ENTPD1: variants seen among roughly 807,000 people sequenced by gnomAD.
The protein encoded by ENTPD1 is ectonucleoside triphosphate diphosphohydrolase 1, also known as ATP diphosphohydrolase.
A neutral mutation model predicts 57.0 loss-of-function variants in ENTPD1; 33 were observed. The observed-to-expected ratio is 0.58, with a 90% CI of 0.44 to 0.77. The LOEUF (loss-of-function observed/expected upper bound fraction) is 0.77. ENTPD1 is among the 30% of genes least tolerant of loss of function. The pLI is 0.00. For synonymous variants in ENTPD1, 202 were observed against 218.8 expected (o/e 0.92, Z 0.68); for missense variants, 501 against 603.4 (o/e 0.83, Z 1.78).
intron 1 of ENTPD1, among the ~76,000 whole-genome samples, chr10:95,742,006 A>G (rs1182800680): frequency 1.3e-5 from 2 of 152,148 alleles, no homozygotes; most frequent in Non-Finnish European, 2.9e-5. Context: ...TAACAGCAAC[A>G]TAGGAGCTTC....
In ENTPD1 at chr10:95,842,387, C is replaced by A. The variant is rs2140830676; in HGVS notation, c.306C>A (p.Gly102=). Residue 102 remains glycine (G), a synonymous_variant, in exon 4 of 10, where the codon GGC becomes GGA. Transcript: ENST00000371205. The part of the protein sequence containing the change: ...SKFVQKVNEI[G]IYLTDCMERA... Reference sequence around the variant, plus strand: ...TTGTTCAGAAAGTAAATGAAATAGGCATTTACCTGACTGATTGCATGGAAA... The same window carrying A: ...TTGTTCAGAAAGTAAATGAAATAGGAATTTACCTGACTGATTGCATGGAAA... 6.2e-7 allele frequency: 1 copy of A among 1,613,916 alleles called. No individual in the cohort carries two copies. The highest frequency in any genetic ancestry group is 2.2e-5 in the East Asian group (1 of 44,874).
chr10:95,751,009 C>T (rs1026689476), upstream of ENTPD1, among the ~76,000 whole-genome samples: 2 of 151,878 alleles, frequency 1.3e-5, no homozygotes, highest in Admixed American at 6.6e-5. Flanking sequence ...GGTGACAGAG[C>T]GAGACTCCAT....
At chr10:95,789,500 A>C (rs1253956441) in intron 1 of ENTPD1, among the ~76,000 whole-genome samples, 1 of 152,184 alleles carries the variant, frequency 6.6e-6, no homozygotes, top group Non-Finnish European at 1.5e-5. Flanking sequence ...AAATTCATAG[A>C]AACAGTGTAC....
At chr10:95,815,864 C>A (rs1198598242) in intron 1 of ENTPD1, among the ~76,000 whole-genome samples, 3 of 152,174 alleles carry the variant, frequency 2.0e-5, no homozygotes, top group African/African-American at 7.2e-5. Context: ...TCCAAGTGGG[C>A]AACTTGGAGA....
At position 95,869,034 on chromosome 10, in the gene ENTPD1, G is replaced by A. The variant is rs2098477419; in HGVS notation, c.*2651G>A. 1 of 985,300 alleles carries A rather than the reference G, an allele frequency of 1.0e-6. No individual in the cohort carries two copies. The highest frequency in any genetic ancestry group is 1.2e-6 in the Non-Finnish European group (1 of 829,916). 61.0% of individuals were successfully genotyped at this position (985,300 alleles called of 1,614,324 possible). A position where few individuals can be genotyped will look rare whatever the true frequency, so the allele number is the denominator to read the frequency against. On this transcript the variant is annotated 3_prime_UTR_variant, in exon 10 of 10. Coordinates refer to ENST00000371205, the MANE Select transcript of ENTPD1 (RefSeq NM_001776.6). ...ACTCTGGGTGGGGTAGGTGAAATAA[G>A]ATTGGTCACTGTTAACTAATTTTAA... is the stretch of plus-strand genomic sequence containing the variant.
chr10:95,864,745 G>GT lies in ENTPD1; in HGVS notation c.1211dup (p.Glu406GlyfsTer6), dbSNP rs2098471168. Reference sequence around the variant, plus strand: ...CTAGATAAAAACATCTTACGCTGGAGTAAAGGAGAAGTACCTGAGTGAATA... The same window carrying GT: ...CTAGATAAAAACATCTTACGCTGGAGTTAAAGGAGAAGTACCTGAGTGAATA... On this transcript the variant is annotated frameshift_variant, in exon 9 of 10. Transcript: ENST00000371205. LOFTEE classifies it high-confidence loss of function. The GT allele has an allele frequency of 1.2e-6, 2 of 1,614,028 alleles. No individual in the cohort carries two copies. Among genetic ancestry groups the GT allele is most frequent in the Non-Finnish European group, 8.5e-7 (1 of 1,180,036 alleles).
chr10:95,812,867 C>A (rs2098313650), intron 1 of ENTPD1, among the ~76,000 whole-genome samples: 1 of 151,992 alleles, frequency 6.6e-6, no homozygotes, highest in Non-Finnish European at 1.5e-5. Flanking sequence ...ATTTACATTT[C>A]TTTAATTAAG....
chr10:95,853,828 G>T (rs1480151964), intron 7 of ENTPD1, among the ~76,000 whole-genome samples: 6 of 152,264 alleles, frequency 3.9e-5, no homozygotes, highest in African/African-American at 1.2e-4. Context: ...GCTGGATTCG[G>T]TTTGCCAGTA....
At chr10:95,708,036 A>G (rs898781875), upstream of ENTPD1, among the ~76,000 whole-genome samples, 3 of 152,226 alleles carry the variant, frequency 2.0e-5, no homozygotes, top group South Asian at 2.1e-4. Flanking sequence ...ATTGTCAACA[A>G]TGAAAAAGTT....
In ENTPD1 at chr10:95,867,787, A is replaced by C; in HGVS notation, c.*1404A>C. On this transcript the variant is annotated 3_prime_UTR_variant, in exon 10 of 10. Coordinates refer to ENST00000371205, the MANE Select transcript of ENTPD1 (RefSeq NM_001776.6). ...CTCTAGATCTGGGGACTGACTGTTG[A>C]GCTGATGGGGAAAGAAAAGCTCTCA... The C allele has an allele frequency of 1.0e-6, 1 of 985,394 alleles. No individual in the cohort carries two copies. Among genetic ancestry groups the C allele is most frequent in the Non-Finnish European group, 1.2e-6 (1 of 829,918 alleles). The allele number at this position is 985,394 out of a possible 1,614,324, so 61.0% of individuals were successfully genotyped here. A position where few individuals can be genotyped will look rare whatever the true frequency, so the allele number is the denominator to read the frequency against.
chr10:95,776,523 G>C (rs1302004462), intron 1 of ENTPD1, among the ~76,000 whole-genome samples: 1 of 152,156 alleles, frequency 6.6e-6, no homozygotes, highest in Non-Finnish European at 1.5e-5. Flanking sequence ...GAGTCTGATG[G>C]GCTTCCCTTT....
chr10:95,843,284 T>A (rs2140840065), intron 4 of ENTPD1: 1 of 152,390 alleles, frequency 6.6e-6, no homozygotes, highest in Admixed American at 6.5e-5. Flanking sequence ...GAGCTTGTGT[T>A]CTACCGGATG....
At chr10:95,742,534 CTTTTTTCTTTTTT>C (rs1199691597) in intron 1 of ENTPD1, among the ~76,000 whole-genome samples, 2 of 98,660 alleles carry the variant, frequency 2.0e-5, no homozygotes, top group African/African-American at 7.4e-5. Flanking sequence ...TCTTCTTTTT[CTTTTTTCTTTTTT>C]TTTTTTTAGA....
intron 1 of ENTPD1, among the ~76,000 whole-genome samples, chr10:95,712,913 AGTC>A (rs2097967268): frequency 5.3e-5 from 8 of 152,276 alleles, no homozygotes; most frequent in Non-Finnish European, 1.0e-4. Context: ...GGACGCCTGT[AGTC>A]CCAACTACTC....
intron 2 of ENTPD1, chr10:95,839,356 C>A: frequency 2.9e-6 from 1 of 346,414 alleles, no homozygotes; most frequent in Non-Finnish European, 5.5e-6. Context: ...CTTTCTATTC[C>A]TTCCATAGTG....
the ENTPD1 span, among the ~76,000 whole-genome samples, chr10:95,695,100 C>T: frequency 6.6e-6 from 1 of 151,932 alleles, no homozygotes; most frequent in Non-Finnish European, 1.5e-5. Context: ...GATGGGGTTT[C>T]ACCATGTTGT....
At chr10:95,755,508 G>C, upstream of ENTPD1, 3 of 600,340 alleles carry the variant, frequency 5.0e-6, no homozygotes, top group South Asian at 6.3e-5. Context: ...TTCAAAGGTA[G>C]GAAGTCAAAG....
Position 95,791,483 on chromosome 10 carries a change from A to G in ENTPD1, c.17-31754A>G, listed in dbSNP as rs1271076651. The stretch of plus-strand genomic sequence containing the variant: ...GTAAACAAATTCTAATTTGCTTTGT[A>G]GCTTCGAGCTGGGATCAGAGAGTGG... On this transcript the variant is annotated intron_variant, in intron 1 of 9. Transcript: ENST00000371205. The surrounding 1 kb of genome is among the most constrained non-coding windows in gnomAD (Gnocchi z 4.1). Among the ~76,000 whole-genome samples, 1 of 152,216 alleles carries G rather than the reference A, an allele frequency of 6.6e-6. No homozygotes were observed. The highest frequency in any genetic ancestry group is 1.5e-5 in the Non-Finnish European group (1 of 68,038).
Position 95,867,742 on chromosome 10 carries a change from C to T in ENTPD1, c.*1359C>T. On this transcript the variant is annotated 3_prime_UTR_variant, in exon 10 of 10. Transcript: ENST00000371205. ...ATTGACTGGTGATGTTTCATTCTGACCTTGTCCCAAGCTCTCCATCTCTAG... is the reference window on the plus strand; with the variant it reads ...ATTGACTGGTGATGTTTCATTCTGATCTTGTCCCAAGCTCTCCATCTCTAG... The T allele has an allele frequency of 1.0e-6, 1 of 985,446 alleles. No individual in the cohort carries two copies. The highest frequency in any genetic ancestry group is 1.2e-6 in the Non-Finnish European group (1 of 829,930). 61.0% of individuals were successfully genotyped at this position (985,446 alleles called of 1,614,324 possible).
Sources: gnomAD v4.1 joint callset for allele counts (sites outside exome capture counted in the v4.1 genomes callset) on GRCh38, gnomAD v4.1.1 for gene constraint, Gnocchi (gnomAD v3.1) non-coding constraint, MANE v1.5 for transcripts, NCBI Gene and HGNC (gene_info 2026-07-23, HGNC 2026-07-21) for gene names.